Variants in LRGUK observed in about 807,000 individuals in gnomAD.
LRGUK encodes the protein leucine-rich repeat and guanylate kinase domain-containing protein.
LRGUK carries 65 observed loss-of-function variants against 76.0 expected under a neutral mutation model. The ratio of observed to expected loss-of-function variants is 0.85; its 90% confidence interval spans 0.70 to 1.05. LRGUK has a LOEUF of 1.05. Ranked by LOEUF, LRGUK falls within the 50% of genes least tolerant of loss-of-function variation. LRGUK has a pLI of 0.00. For missense variants in LRGUK, 758 were observed against 732.8 expected (o/e 1.03, Z -0.40); for synonymous variants, 268 against 265.6 (o/e 1.01, Z -0.09).
At chr7:134,250,892 A>G (rs1802426054) in intron 18 of LRGUK, among the ~76,000 whole-genome samples, 1 of 152,210 alleles carries the variant, frequency 6.6e-6, no homozygotes, top group South Asian at 2.1e-4. Flanking sequence ...CTGTGGCTCA[A>G]GTCTCACACT....
the LRGUK span, among the ~76,000 whole-genome samples, chr7:134,270,068 T>C: frequency 6.6e-6 from 1 of 152,278 alleles, no homozygotes; most frequent in East Asian, 1.9e-4. Flanking sequence ...TCATTTAACA[T>C]AGGACTAGAA....
At chr7:134,158,093 T>C in exon 6 of LRGUK, 1 of 1,613,020 alleles carries the variant, frequency 6.2e-7, no homozygotes, top group Non-Finnish European at 8.5e-7. Context: ...TTCACCTTAG[T>C]TTGGCCAACA....
chr7:134,240,613 A>G (rs932988992), intron 16 of LRGUK, among the ~76,000 whole-genome samples: 1 of 152,242 alleles, frequency 6.6e-6, no homozygotes, highest in Admixed American at 6.5e-5. Context: ...AATGGAACCA[A>G]GTTGGAAAAC....
exon 9 of LRGUK, chr7:134,177,006 T>G (rs1799510018): frequency 6.2e-7 from 1 of 1,603,386 alleles, no homozygotes; most frequent in Non-Finnish European, 8.5e-7. Flanking sequence ...TCTTCGTAAT[T>G]TTTATGCTTC....
chr7:134,209,038 T>A (rs1801125980), exon 16 of LRGUK: 1 of 399,000 alleles, frequency 2.5e-6, no homozygotes, highest in Admixed American at 4.4e-5. Flanking sequence ...AACAATCAGA[T>A]CTTCCCCTAA....
chr7:134,202,218 C>T (rs1447878272), intron 15 of LRGUK, among the ~76,000 whole-genome samples: 1 of 151,960 alleles, frequency 6.6e-6, no homozygotes, highest in Non-Finnish European at 1.5e-5. Flanking sequence ...AACTCTAAAG[C>T]CCTAAGTTAG....
chr7:134,256,135 C>T (rs139406193), intron 18 of LRGUK, among the ~76,000 whole-genome samples: 1,979 of 152,202 alleles, frequency 0.013, 50 homozygotes, highest in African/African-American at 0.045. Flanking sequence ...TTGAATTATC[C>T]TATTCCCACC....
chr7:134,188,503 G>A (rs566560341), intron 11 of LRGUK, among the ~76,000 whole-genome samples: 1 of 152,278 alleles, frequency 6.6e-6, no homozygotes, highest in South Asian at 2.1e-4. Flanking sequence ...CAGGTAGAAT[G>A]TAGTGACGGG....
At chr7:134,200,088 T>C (rs1800704547) in intron 14 of LRGUK, among the ~76,000 whole-genome samples, 1 of 145,242 alleles carries the variant, frequency 6.9e-6, no homozygotes, top group African/African-American at 2.5e-5. Context: ...TGGAGTGCAG[T>C]GGCGTGATCT....
At chr7:134,159,234 G>C (rs1376956267) in intron 6 of LRGUK, among the ~76,000 whole-genome samples, 1 of 151,606 alleles carries the variant, frequency 6.6e-6, no homozygotes, top group African/African-American at 2.4e-5. Context: ...TACTTAGGAG[G>C]GCTGAAGTGG....
chr7:134,179,199 G>T (rs548516777), intron 10 of LRGUK, among the ~76,000 whole-genome samples: 24 of 152,226 alleles, frequency 1.6e-4, no homozygotes, highest in Middle Eastern at 3.4e-3. Context: ...CGCCCAGCTC[G>T]GTGGAACACA....
chr7:134,268,896 AT>A (rs922900028), downstream of LRGUK, among the ~76,000 whole-genome samples: 1 of 150,820 alleles, frequency 6.6e-6, no homozygotes, highest in Non-Finnish European at 1.5e-5. Flanking sequence ...CACCCGGCTA[AT>A]TTTTTTTGTA....
chr7:134,148,071 A>AG (rs1330185668), intron 4 of LRGUK, among the ~76,000 whole-genome samples, 167 bp from the exon 5 acceptor site: 3 of 151,396 alleles, frequency 2.0e-5, no homozygotes, highest in Non-Finnish European at 3.0e-5. Flanking sequence ...CAAAAAAAAA[A>AG]AAAAAAAAAG....
At chr7:134,142,684 G>C (rs2116844981) in intron 3 of LRGUK, among the ~76,000 whole-genome samples, 1 of 152,284 alleles carries the variant, frequency 6.6e-6, no homozygotes, top group Middle Eastern at 3.4e-3. Flanking sequence ...TTATCAAGAG[G>C]ATTATCTAAG....
intron 16 of LRGUK, among the ~76,000 whole-genome samples, chr7:134,240,645 G>C (rs1380771813): frequency 1.3e-5 from 2 of 152,194 alleles, no homozygotes; most frequent in Non-Finnish European, 2.9e-5. Context: ...TATTATCCAG[G>C]AGAACTTCCC....
chr7:134,226,157 C>A (rs1390330133), intron 16 of LRGUK, among the ~76,000 whole-genome samples: 1 of 151,082 alleles, frequency 6.6e-6, no homozygotes, highest in East Asian at 1.9e-4. Flanking sequence ...TTTATATTTT[C>A]TTTTGCAAAC....
At chr7:134,253,381 A>C (rs185194212) in intron 18 of LRGUK, among the ~76,000 whole-genome samples, 2 of 152,230 alleles carry the variant, frequency 1.3e-5, no homozygotes, top group Non-Finnish European at 1.5e-5. Flanking sequence ...TGTAGTTTTA[A>C]AATATGATAT....
intron 7 of LRGUK, among the ~76,000 whole-genome samples, chr7:134,169,001 G>A (rs976712333): frequency 1.3e-5 from 2 of 152,036 alleles, no homozygotes; most frequent in African/African-American, 2.4e-5. Flanking sequence ...CCTACCCTCA[G>A]GAAACTGAAT....
intron 3 of LRGUK, among the ~76,000 whole-genome samples, chr7:134,142,103 A>G (rs1289858521): frequency 1.3e-5 from 2 of 152,200 alleles, no homozygotes; most frequent in African/African-American, 4.8e-5. Context: ...AGGTAGAAGC[A>G]CTTCGCTTGG....
Sources: gnomAD v4.1 joint callset for allele counts (sites outside exome capture counted in the v4.1 genomes callset) on GRCh38, gnomAD v4.1.1 for gene constraint, MANE v1.5 for transcripts, NCBI Gene and HGNC (gene_info 2026-07-23, HGNC 2026-07-21) for gene names.